XPO1: variants seen among roughly 807,000 people sequenced by gnomAD.
The protein encoded by XPO1 is exportin 1.
A neutral mutation model predicts 133.3 loss-of-function variants in XPO1; 5 were observed. The observed-to-expected ratio is 0.04, with a 90% confidence interval of 0.02 to 0.08. The LOEUF (loss-of-function observed/expected upper bound fraction) is 0.08, where lower values mean the gene tolerates loss of function less well. XPO1 is among the 10% of genes least tolerant of loss of function. The pLI is 1.00. For missense variants in XPO1, 506 were observed against 1,267.5 expected (o/e 0.40, Z 9.12); for synonymous variants, 419 against 408.2 (o/e 1.03, Z -0.32).
rs191020866 is a variant in XPO1 at position 61,481,124 on chromosome 2, T to C, written c.3069+61A>G. 1.4e-5 allele frequency: 15 copies of C among 1,052,252 alleles called. No individual in the cohort carries two copies. The East Asian group carries it at 4.0e-4, about 28-fold the overall frequency. The allele number at this position is 1,052,252 out of a possible 1,614,324, so 65.2% of individuals were successfully genotyped here. On this transcript the variant is annotated intron_variant, in intron 24 of 24. Coordinates refer to ENST00000401558, the MANE Select transcript of XPO1 (RefSeq NM_003400.4). ...AAATCAAGTGATAAAAATTCTACAA[T>C]GTAACATAAAAGTGGTCACATCTAC...
chr2:61,523,846 C>T (rs953608577), intron 3 of XPO1, among the ~76,000 whole-genome samples: 1 of 152,144 alleles, frequency 6.6e-6, no homozygotes, highest in Admixed American at 6.5e-5. Context: ...TCACACTCTT[C>T]AAGAAAATTT....
At chr2:61,510,490 A>C (rs1428847359) in intron 4 of XPO1, among the ~76,000 whole-genome samples, 1 of 152,210 alleles carries the variant, frequency 6.6e-6, no homozygotes, top group African/African-American at 2.4e-5. Flanking sequence ...GATAATCTAT[A>C]ATTTAACCTG....
Position 61,478,064 on chromosome 2 carries a change from A to C in XPO1, c.*756T>G. The C allele has an allele frequency of 4.3e-6, 1 of 232,472 alleles. No homozygotes were observed. The highest frequency in any genetic ancestry group is 8.5e-6 in the Non-Finnish European group (1 of 117,260). 14.4% of individuals were successfully genotyped at this position (232,472 alleles called of 1,614,324 possible). A position where few individuals can be genotyped will look rare whatever the true frequency, so the allele number is the denominator to read the frequency against. On this transcript the variant is annotated 3_prime_UTR_variant, in exon 25 of 25. Coordinates refer to ENST00000401558, the MANE Select transcript of XPO1 (RefSeq NM_003400.4). ...TTTGTTTTTTAATGAGTTGTTAAAA[A>C]GATGCAGCCTATTCTAACAGGATAA...
intron 3 of XPO1, among the ~76,000 whole-genome samples, chr2:61,524,931 CTTTTT>C (rs921050381): frequency 1.4e-5 from 2 of 145,280 alleles, no homozygotes. Flanking sequence ...AATTTTTTTT[CTTTTT>C]TTTTTTAGTA....
intron 12 of XPO1, 95 bp from the exon 13 acceptor site, chr2:61,493,148 A>G: frequency 7.7e-7 from 1 of 1,301,310 alleles, no homozygotes; most frequent in Non-Finnish European, 1.0e-6. Flanking sequence ...AACCAAAAAA[A>G]CCACAAGCCA....
In XPO1 at chr2:61,483,821, T is replaced by C. The variant is rs1456341984; in HGVS notation, c.2677+116A>G. 5.1e-6 allele frequency: 6 copies of C among 1,167,944 alleles called. No homozygotes were observed. The East Asian group carries it at 1.3e-4, about 24-fold the overall frequency. 72.3% of individuals were successfully genotyped at this position (1,167,944 alleles called of 1,614,324 possible). On this transcript the variant is annotated intron_variant, in intron 21 of 24. Coordinates refer to ENST00000401558, the MANE Select transcript of XPO1 (RefSeq NM_003400.4). ...CTTATAGGATTTTCTCAGATGTTCA[T>C]ATATGTAATTCACACACTCAAAACT...
intron 3 of XPO1, chr2:61,525,690 T>G (rs1281956788): frequency 9.7e-7 from 1 of 1,026,162 alleles, no homozygotes; most frequent in Non-Finnish European, 1.2e-6. Context: ...GGACTGTATT[T>G]TTGACCTAAA....
chr2:61,496,396 G>T (rs1697243900), intron 10 of XPO1, among the ~76,000 whole-genome samples: 1 of 152,082 alleles, frequency 6.6e-6, no homozygotes, highest in East Asian at 1.9e-4. Context: ...ATCTTTCGTA[G>T]GTATGGTCTG....
chr2:61,485,846 C>A lies in XPO1; in HGVS notation c.2430G>T (p.Lys810Asn). The change falls in exon 20 of 25, where the codon AAG becomes AAT. Residue 810 changes from lysine to asparagine, a missense_variant. By Grantham distance (94) the Lys-to-Asn change is moderately conservative. Around this residue, in one of 6 missense-constraint regions of XPO1, gnomAD observed 203 missense variants for 365.9 expected, o/e 0.55. Coordinates refer to ENST00000401558, the MANE Select transcript of XPO1 (RefSeq NM_003400.4). ...VLSTMAIIVNKLGGHITAEIP... is the reference protein window; with the variant it reads ...VLSTMAIIVNNLGGHITAEIP... ...TTTCAGCTGTTATATGTCCCCCTAA[C>A]TTGTTGACAATTATGGCCATAGTAC... 1 of 1,614,078 alleles carries A rather than the reference C, an allele frequency of 6.2e-7. No homozygotes were observed. Among genetic ancestry groups the A allele is most frequent in the Non-Finnish European group, 8.5e-7 (1 of 1,179,990 alleles).
chr2:61,517,201 T>A (rs1403747587), intron 4 of XPO1, among the ~76,000 whole-genome samples: 2 of 151,860 alleles, frequency 1.3e-5, no homozygotes, highest in Admixed American at 6.6e-5. Flanking sequence ...ACACCCAGCC[T>A]AAATGCCATT....
intron 4 of XPO1, among the ~76,000 whole-genome samples, chr2:61,504,214 T>C (rs533817160): frequency 2.0e-5 from 3 of 152,348 alleles, no homozygotes; most frequent in African/African-American, 4.8e-5. Flanking sequence ...CTCTTCATAG[T>C]AAAACCTACT....
At chr2:61,533,738 C>T (rs957336059) in intron 2 of XPO1, 34 bp downstream of exon 2, 1 of 1,542,338 alleles carries the variant, frequency 6.5e-7, no homozygotes, top group African/African-American at 1.4e-5. Flanking sequence ...GTTACACTGT[C>T]ATAATGTTAT....
rs370019365 is a variant in XPO1, at chr2:61,499,808, T to C, written c.495A>G (p.Gln165=). The stretch of plus-strand genomic sequence containing the variant: ...AGAGTTTAAGAATCACCATATTATT[T>C]TGACAGAGACTTTCGCTGGTCCTAC... The part of the protein sequence containing the change: ...GASRTSESLC[Q]NNMVILKLLS... Residue 165 remains glutamine, a synonymous_variant, in exon 7 of 25, where the codon CAA becomes CAG. Transcript: ENST00000401558. The C allele has an allele frequency of 7.4e-6, 12 of 1,613,462 alleles. No individual in the cohort carries two copies. The highest frequency in any genetic ancestry group is 5.3e-5 in the African/African-American group (4 of 74,932).
At chr2:61,509,205 A>G (rs1697970246) in intron 4 of XPO1, among the ~76,000 whole-genome samples, 1 of 150,922 alleles carries the variant, frequency 6.6e-6, no homozygotes, top group African/African-American at 2.4e-5. Context: ...AGGTTTCACT[A>G]TGTTGGCCAG....
At chr2:61,537,384 CA>C (rs1699399729) in intron 1 of XPO1, among the ~76,000 whole-genome samples, 177 bp downstream of exon 1, 1 of 150,646 alleles carries the variant, frequency 6.6e-6, no homozygotes, top group African/African-American at 2.4e-5. Context: ...CCCCCAGCGG[CA>C]AAAGCGGCTC....
At chr2:61,507,609 G>A (rs1388712444) in intron 4 of XPO1, among the ~76,000 whole-genome samples, 1 of 151,964 alleles carries the variant, frequency 6.6e-6, no homozygotes, top group East Asian at 1.9e-4. Context: ...CGGGCACAGT[G>A]GCTCAAGCCT....
intron 22 of XPO1, 149 bp downstream of exon 22, chr2:61,482,808 G>T: frequency 1.1e-6 from 1 of 934,934 alleles, no homozygotes. Flanking sequence ...GGTATTTTTA[G>T]TACAGACAGT....
At chr2:61,507,930 T>C (rs11901681) in intron 4 of XPO1, among the ~76,000 whole-genome samples, 1,907 of 152,292 alleles carry the variant, frequency 0.013, 40 homozygotes, top group African/African-American at 0.042. Context: ...AAGGTTCTCA[T>C]TGAAGTTGTG....
rs2104530868 is a variant in XPO1, at chr2:61,502,268, G to C, written c.344C>G (p.Ser115Cys). ...TCTTACCTCTACACAAGTTGGGTCA[G>C]ATGACGTCTTGATAATGAGGCCAAC... ...YVVGLIIKTSSDPTCVEKEKV... is the reference protein window; with the variant it reads ...YVVGLIIKTSCDPTCVEKEKV... The change falls in exon 5 of 25, where the codon TCT becomes TGT. Residue 115 changes from serine to cysteine, a missense_variant. Ser to Cys is a moderately radical substitution (Grantham distance 112, BLOSUM62 -1). Transcript: ENST00000401558. The C allele has an allele frequency of 6.2e-7, 1 of 1,613,446 alleles. No individual in the cohort carries two copies. The highest frequency in any genetic ancestry group is 8.5e-7 in the Non-Finnish European group (1 of 1,179,876).
Sources: allele counts gnomAD v4.1 joint callset (sites outside exome capture counted in the v4.1 genomes callset), GRCh38; gene constraint gnomAD v4.1.1; regional missense constraint gnomAD v4.1.1; transcripts MANE v1.5; gene names NCBI Gene and HGNC (gene_info 2026-07-23, HGNC 2026-07-21).